The following PPP2R5D variants were observed in gnomAD, a reference collection of about 807,000 sequenced individuals.
PPP2R5D encodes the protein protein phosphatase 2 regulatory subunit B'delta, also known as serine/threonine-protein phosphatase 2A 56 kDa regulatory subunit delta isoform.
Under a neutral mutation model 79.1 loss-of-function variants are expected in PPP2R5D, and 12 were observed. The observed-to-expected ratio is 0.15, with a 90% confidence interval of 0.10 to 0.25. The LOEUF (loss-of-function observed/expected upper bound fraction) is 0.25, where lower values mean the gene tolerates loss of function less well. Ranked by LOEUF, PPP2R5D falls within the 10% of genes least tolerant of loss-of-function variation. The probability of loss-of-function intolerance (pLI) is 1.00; values close to 1 mark genes in which losing one functional copy is unlikely to be tolerated. For missense variants in PPP2R5D, 419 were observed against 760.2 expected (o/e 0.55, Z 5.28); for synonymous variants, 277 against 286.6 (o/e 0.97, Z 0.34).
rs1240667786 is a variant in PPP2R5D at position 43,010,126 on chromosome 6, T to G, written c.1380-342T>G. Among the ~76,000 whole-genome samples, 1 of 152,118 alleles carries G rather than the reference T, an allele frequency of 6.6e-6. No homozygotes were observed. The highest frequency in any genetic ancestry group is 1.5e-5 in the Non-Finnish European group (1 of 68,026). ...TCTGCTAAAAGCAAGCACACTGTGG[T>G]GTAGATGCAGTCTGTCATGCTGCAT... On this transcript the variant is annotated intron_variant, in intron 12 of 15. Coordinates refer to ENST00000485511, the MANE Select transcript of PPP2R5D (RefSeq NM_006245.4). This position sits in a 1 kb window ranked among gnomAD's most constrained non-coding sequence, Gnocchi z 4.7.
chr6:42,992,917 T>G (rs933798612), intron 2 of PPP2R5D, among the ~76,000 whole-genome samples: 1 of 152,082 alleles, frequency 6.6e-6, no homozygotes, highest in African/African-American at 2.4e-5. Context: ...TCCCAGCACT[T>G]TGGGAGGCTG....
chr6:42,986,794 C>A (rs6935736), intron 1 of PPP2R5D, among the ~76,000 whole-genome samples: 1,721 of 151,770 alleles, frequency 0.011, 35 homozygotes, highest in African/African-American at 0.038. Context: ...GTGAAGAAGA[C>A]AAATTGCCAG....
At chr6:42,990,886 A>T (rs1378751388) in intron 2 of PPP2R5D, among the ~76,000 whole-genome samples, 1 of 150,818 alleles carries the variant, frequency 6.6e-6, no homozygotes, top group African/African-American at 2.4e-5. Context: ...ATTTTTTTGT[A>T]TTTTTAGTAG....
intron 2 of PPP2R5D, among the ~76,000 whole-genome samples, chr6:42,992,824 G>GAAAAC (rs574830324): frequency 6.6e-6 from 1 of 151,906 alleles, no homozygotes; most frequent in Non-Finnish European, 1.5e-5. Context: ...CTTGTCTCAA[G>GAAAAC]AAAACAAAAC....
rs1036228972 is a variant in PPP2R5D, at chr6:43,007,706, CAAA to C, written c.726+204_726+206del. 2.6e-5 allele frequency among the ~76,000 whole-genome samples: 4 copies of C among 152,188 alleles called. No individual in the cohort carries two copies. The highest frequency in any genetic ancestry group is 9.6e-5 in the African/African-American group (4 of 41,546). Reference sequence around the variant, plus strand: ...AAACTAACAACATAATGGTAGGAAACAAAAAAGCAACAGAGTACCTCTCTCAGG... The same window carrying C: ...AAACTAACAACATAATGGTAGGAAACAAAGCAACAGAGTACCTCTCTCAGG... On this transcript the variant is annotated intron_variant, in intron 6 of 15. Transcript: ENST00000485511. The surrounding 1 kb of genome is among the most constrained non-coding windows in gnomAD (Gnocchi z 4.5).
intron 2 of PPP2R5D, among the ~76,000 whole-genome samples, chr6:42,991,201 A>G (rs774052697): frequency 3.3e-5 from 5 of 152,126 alleles, no homozygotes; most frequent in Non-Finnish European, 7.3e-5. Flanking sequence ...GGGAAGACAC[A>G]CTATGGGCTC....
At position 43,012,272 on chromosome 6, in the gene PPP2R5D, A is replaced by G. The variant is rs1021565353; in HGVS notation, c.*986A>G. 2 of 1,355,976 alleles carry G rather than the reference A, an allele frequency of 1.5e-6. No homozygotes were observed. Among genetic ancestry groups the G allele is most frequent in the African/African-American group, 1.5e-5 (1 of 67,868 alleles). The allele number at this position is 1,355,976 out of a possible 1,614,324, so 84.0% of individuals were successfully genotyped here. The stretch of plus-strand genomic sequence containing the variant: ...TGCTTTATTCTCCACAGAGTGATAC[A>G]TGCTAAGGTGGGTTGGGCTTGGACC... On this transcript the variant is annotated 3_prime_UTR_variant, in exon 16 of 16. Transcript: ENST00000485511.
chr6:42,993,596 C>A (rs1251093305), intron 2 of PPP2R5D, among the ~76,000 whole-genome samples: 2 of 152,226 alleles, frequency 1.3e-5, no homozygotes, highest in Non-Finnish European at 2.9e-5. Flanking sequence ...TGTTCCACAT[C>A]TCTCTCCTAG....
intron 2 of PPP2R5D, among the ~76,000 whole-genome samples, chr6:43,000,741 T>C (rs1772123749): frequency 6.6e-6 from 1 of 152,150 alleles, no homozygotes; most frequent in Non-Finnish European, 1.5e-5. Context: ...CAGACTCTGC[T>C]CCTAATGCTG....
Position 43,007,601 on chromosome 6 carries a change from T to G in PPP2R5D, c.726+95T>G. 1 of 1,234,328 alleles carries G rather than the reference T, an allele frequency of 8.1e-7. No individual in the cohort carries two copies. 76.5% of individuals were successfully genotyped at this position (1,234,328 alleles called of 1,614,324 possible). A position where few individuals can be genotyped will look rare whatever the true frequency, so the allele number is the denominator to read the frequency against. On this transcript the variant is annotated intron_variant, in intron 6 of 15. Transcript: ENST00000485511. This position sits in a 1 kb window ranked among gnomAD's most constrained non-coding sequence, Gnocchi z 4.5. ...CTCTTTCCCCTTAAGCTGAATATATTGGGTTTCATCCATGTCTGGTACGAG... is the reference window on the plus strand; with the variant it reads ...CTCTTTCCCCTTAAGCTGAATATATGGGGTTTCATCCATGTCTGGTACGAG...
intron 1 of PPP2R5D, among the ~76,000 whole-genome samples, chr6:42,985,465 A>AG (rs1770770415): frequency 6.6e-6 from 1 of 152,214 alleles, no homozygotes; most frequent in South Asian, 2.1e-4. Flanking sequence ...CTGCAATATC[A>AG]GGTCTCCTGA....
chr6:42,984,734 G>T (rs1370232611), intron 1 of PPP2R5D, 30 bp downstream of exon 1: 1 of 1,607,110 alleles, frequency 6.2e-7, no homozygotes, highest in Admixed American at 1.7e-5. Flanking sequence ...CCCCACCGCC[G>T]CCTTGGAGCC....
At chr6:42,998,017 A>ATT (rs1771846952) in intron 2 of PPP2R5D, among the ~76,000 whole-genome samples, 1 of 5,980 alleles carries the variant, frequency 1.7e-4, no homozygotes, top group African/African-American at 6.2e-4. Context: ...GGTTTTATTT[A>ATT]TATATATATA....
intron 1 of PPP2R5D, among the ~76,000 whole-genome samples, chr6:42,988,290 A>C (rs187908804): frequency 6.6e-6 from 1 of 152,342 alleles, no homozygotes; most frequent in East Asian, 1.9e-4. Context: ...TCCAGTCCTC[A>C]TTAAAGGCTT....
Position 43,010,587 on chromosome 6 carries a change from C to G in PPP2R5D, c.1481+18C>G, listed in dbSNP as rs753270771. The G allele has an allele frequency of 6.2e-7, 1 of 1,612,818 alleles. No individual in the cohort carries two copies. The highest frequency in any genetic ancestry group is 1.1e-5 in the South Asian group (1 of 91,032). On this transcript the variant is annotated intron_variant, in intron 13 of 15. Coordinates refer to ENST00000485511, the MANE Select transcript of PPP2R5D (RefSeq NM_006245.4). This position sits in a 1 kb window ranked among gnomAD's most constrained non-coding sequence, Gnocchi z 4.7. ...AAGCAGAAGTGAGTATCTCTCTCCC[C>G]GGGAGACTTTCATCTTCTACCACCA...
At chr6:43,001,748 G>A (rs996539565) in intron 2 of PPP2R5D, among the ~76,000 whole-genome samples, 10 of 151,956 alleles carry the variant, frequency 6.6e-5, no homozygotes, top group African/African-American at 1.4e-4. Context: ...TTAGCCGGGC[G>A]TGGTGGCACG....
At chr6:42,996,658 T>C (rs1771718313) in intron 2 of PPP2R5D, among the ~76,000 whole-genome samples, 1 of 152,236 alleles carries the variant, frequency 6.6e-6, no homozygotes, top group South Asian at 2.1e-4. Context: ...TGTGAGCTCT[T>C]TGATGGCAAG....
intron 2 of PPP2R5D, among the ~76,000 whole-genome samples, chr6:42,994,911 T>TC (rs762389250): frequency 1.3e-5 from 2 of 152,024 alleles, no homozygotes; most frequent in Admixed American, 6.6e-5. Context: ...GAATAAATTT[T>TC]CCCACACTTC....
chr6:42,995,127 T>TC (rs1771560570), intron 2 of PPP2R5D, among the ~76,000 whole-genome samples: 2 of 91,862 alleles, frequency 2.2e-5, no homozygotes, highest in Non-Finnish European at 3.8e-5. Context: ...TTTTTCTTTC[T>TC]TTTTTTTTTT....
Sources: gnomAD v4.1 joint callset for allele counts (sites outside exome capture counted in the v4.1 genomes callset) on GRCh38, gnomAD v4.1.1 for gene constraint, Gnocchi (gnomAD v3.1) non-coding constraint, MANE v1.5 for transcripts, NCBI Gene and HGNC (gene_info 2026-07-23, HGNC 2026-07-21) for gene names.